The following PITPNA variants were observed in gnomAD, a reference collection of about 807,000 sequenced individuals.
PITPNA encodes the protein phosphatidylinositol transfer protein alpha isoform.
PITPNA carries 13 observed loss-of-function variants against 50.3 expected under a neutral mutation model. The ratio of observed to expected loss-of-function variants is 0.26; its 90% CI spans 0.17 to 0.41. The LOEUF (loss-of-function observed/expected upper bound fraction) is 0.41, where lower values mean the gene tolerates loss of function less well. Ranked by LOEUF, PITPNA falls within the 10% of genes least tolerant of loss-of-function variation. The pLI, the probability that PITPNA is intolerant of heterozygous loss-of-function variation, is 1.00. For synonymous variants in PITPNA, 120 were observed against 119.6 expected, an observed-to-expected ratio of 1.00 and a Z score of -0.02; for missense variants, 207 against 333.4, an observed-to-expected ratio of 0.62 and a Z score of 2.95.
chr17:1,525,412 C>A (rs2075541537), intron 10 of PITPNA, among the ~76,000 whole-genome samples: 3 of 152,096 alleles, frequency 2.0e-5, no homozygotes, highest in Admixed American at 1.3e-4. Context: ...TAAGCCATAG[C>A]CCACTTCAGA....
intron 10 of PITPNA, among the ~76,000 whole-genome samples, chr17:1,532,223 G>A (rs575944850): frequency 6.6e-6 from 1 of 152,258 alleles, no homozygotes; most frequent in South Asian, 2.1e-4. Flanking sequence ...GAGCAGCTGG[G>A]ATTACAGGTG....
intron 7 of PITPNA, 36 bp from the exon 8 acceptor site, chr17:1,535,554 T>TGGGAGAGGGAGTGAGAGATG (rs758931239): frequency 1.5e-6 from 2 of 1,340,634 alleles, no homozygotes; most frequent in South Asian, 2.3e-5. Flanking sequence ...TGGAGGGGAG[T>TGGGAGAGGGAGTGAGAGATG]GGGAGAGGGA....
At chr17:1,538,801 G>T in intron 7 of PITPNA, 68 bp downstream of exon 7, 1 of 927,482 alleles carries the variant, frequency 1.1e-6, no homozygotes, top group Non-Finnish European at 1.7e-6. Flanking sequence ...ATGGTTTCCT[G>T]GTTTCTTTAG....
At chr17:1,534,296 C>A in intron 9 of PITPNA, 75 bp from the exon 10 acceptor site, 1 of 1,576,760 alleles carries the variant, frequency 6.3e-7, no homozygotes, top group African/African-American at 1.3e-5. Context: ...CCATGCACTC[C>A]ACACGAATAC....
At chr17:1,520,786 C>T (rs543285907) in intron 11 of PITPNA, among the ~76,000 whole-genome samples, 7 of 152,242 alleles carry the variant, frequency 4.6e-5, no homozygotes, top group African/African-American at 1.2e-4. Context: ...CAGGGCCTGC[C>T]GTCACTCCTG....
At position 1,521,611 on chromosome 17, in the gene PITPNA, G is replaced by A. The variant is rs2075513224; in HGVS notation, c.803C>T (p.Ala268Val). 1.2e-6 allele frequency: 2 copies of A among 1,613,282 alleles called. No homozygotes were observed. Among genetic ancestry groups the A allele is most frequent in the Middle Eastern group, 1.6e-4 (1 of 6,084 alleles). ...RQKDPVKGMT[A>V]DD is the part of the protein sequence containing the mutation. Reference sequence around the variant, plus strand: ...AGGGGAAAGGCGGCTTTAGTCATCTGCTGTCATTCCTTTCACTGGGTCCTT... The same window carrying A: ...AGGGGAAAGGCGGCTTTAGTCATCTACTGTCATTCCTTTCACTGGGTCCTT... Residue 268 changes from alanine (A) to valine (V), a missense_variant, in exon 11 of 12, where the codon GCA becomes GTA. Coordinates refer to ENST00000313486, the MANE Select transcript of PITPNA (RefSeq NM_006224.4).
At position 1,535,186 on chromosome 17, in the gene PITPNA, T is replaced by C; in HGVS notation, c.641A>G (p.His214Arg). ...GLQNKVENFI[H>R]KQERRLFTNF... is the part of the protein sequence containing the mutation. ...GGCCTCAGCCGAGCTACTTACCTTA[T>C]GGATGAAGTTCTCCACTTTGTTCTG... Residue 214 changes from histidine to arginine, a missense_variant, in exon 9 of 12, where the codon CAT becomes CGT. Transcript: ENST00000313486. 6.2e-7 allele frequency: 1 copy of C among 1,604,552 alleles called. No individual in the cohort carries two copies. The highest frequency in any genetic ancestry group is 8.5e-7 in the Non-Finnish European group (1 of 1,171,296).
intron 4 of PITPNA, among the ~76,000 whole-genome samples, chr17:1,547,558 G>A (rs1241072310): frequency 1.3e-5 from 2 of 151,938 alleles, no homozygotes; most frequent in African/African-American, 2.4e-5. Context: ...GCTGGGGCAC[G>A]AGAATCGCTT....
intron 10 of PITPNA, among the ~76,000 whole-genome samples, chr17:1,531,377 A>G (rs1035406638): frequency 2.6e-5 from 4 of 151,934 alleles, no homozygotes; most frequent in African/African-American, 9.7e-5. Context: ...GGTTCCCCCC[A>G]CTGTAACTAC....
chr17:1,529,395 G>A (rs535764332), intron 10 of PITPNA, among the ~76,000 whole-genome samples: 309 of 147,806 alleles, frequency 2.1e-3, no homozygotes, highest in African/African-American at 7.2e-3. Flanking sequence ...AGTGGCGGGC[G>A]CCTCTAGTCC....
At chr17:1,525,945 T>G (rs1399853355) in intron 10 of PITPNA, among the ~76,000 whole-genome samples, 1 of 152,240 alleles carries the variant, frequency 6.6e-6, no homozygotes, top group African/African-American at 2.4e-5. Context: ...CTCTATCCTA[T>G]GAGAAGGTCT....
intron 10 of PITPNA, among the ~76,000 whole-genome samples, chr17:1,527,176 T>C (rs1440446173): frequency 2.0e-5 from 3 of 152,248 alleles, no homozygotes; most frequent in African/African-American, 7.2e-5. Context: ...ATGTAGGCTA[T>C]ACATACACAT....
chr17:1,520,820 C>T (rs748801432), intron 11 of PITPNA, among the ~76,000 whole-genome samples: 2 of 152,130 alleles, frequency 1.3e-5, no homozygotes, highest in Admixed American at 6.5e-5. Flanking sequence ...CCTCCTTGCC[C>T]GTAGGGTTAG....
Position 1,562,712 on chromosome 17 carries a change from G to T in PITPNA, c.-152C>A. 3.1e-6 allele frequency: 1 copy of T among 320,840 alleles called. No homozygotes were observed. Among genetic ancestry groups the T allele is most frequent in the Non-Finnish European group, 4.6e-6 (1 of 218,318 alleles). The allele number at this position is 320,840 out of a possible 1,614,324, so 19.9% of individuals were successfully genotyped here. ...CCGCCGCCCTCGCCGCGGTCGCCGC[G>T]CCGGCTCCTGCCGCCCGGGCCTCGT... On this transcript the variant is annotated 5_prime_UTR_variant, in exon 1 of 12. Coordinates refer to ENST00000313486, the MANE Select transcript of PITPNA (RefSeq NM_006224.4). This position sits in a 1 kb window ranked among gnomAD's most constrained non-coding sequence, Gnocchi z 6.4.
intron 4 of PITPNA, among the ~76,000 whole-genome samples, chr17:1,547,681 T>C (rs1324756305): frequency 1.3e-5 from 2 of 150,096 alleles, no homozygotes; most frequent in African/African-American, 4.9e-5. Context: ...TAAATAGTAA[T>C]GATCTAAAAT....
chr17:1,526,487 A>G (rs1006152327), intron 10 of PITPNA, among the ~76,000 whole-genome samples: 1 of 152,214 alleles, frequency 6.6e-6, no homozygotes, highest in Non-Finnish European at 1.5e-5. Flanking sequence ...ACTCTTTCAT[A>G]ATAGAATTTT....
Position 1,557,568 on chromosome 17 carries a change from G to C in PITPNA, c.51+961C>G, listed in dbSNP as rs142121504. Among the ~76,000 whole-genome samples, 695 of 152,300 alleles carry C rather than the reference G, an allele frequency of 4.6e-3. 11 individuals carry two copies. The highest frequency in any genetic ancestry group is 0.016 in the African/African-American group (669 of 41,554). ...GCTGCGCCAGGAGAGGAGAGTGGAAGAAGTTCAGAGAAAGAGTGAGACAAG... is the reference window on the plus strand; with the variant it reads ...GCTGCGCCAGGAGAGGAGAGTGGAACAAGTTCAGAGAAAGAGTGAGACAAG... On this transcript the variant is annotated intron_variant, in intron 2 of 11. Coordinates refer to ENST00000313486, the MANE Select transcript of PITPNA (RefSeq NM_006224.4).
At chr17:1,543,654 C>T (rs1467577103) in intron 4 of PITPNA, among the ~76,000 whole-genome samples, 1 of 152,208 alleles carries the variant, frequency 6.6e-6, no homozygotes, top group Non-Finnish European at 1.5e-5. Flanking sequence ...TCCACTTCTG[C>T]TGGCTGCCCC....
rs2097875272 is a variant in PITPNA at position 1,519,782 on chromosome 17, T to G, written c.*779A>C. On this transcript the variant is annotated 3_prime_UTR_variant, in exon 12 of 12. Coordinates refer to ENST00000313486, the MANE Select transcript of PITPNA (RefSeq NM_006224.4). ...CAATTCTAGGGGCCACACTGGACAA[T>G]TCCCTCCAAGTGGAGAGTTGACTGG... is the stretch of plus-strand genomic sequence containing the variant. 6.6e-6 allele frequency: 1 copy of G among 152,292 alleles called. No individual in the cohort carries two copies. Among genetic ancestry groups the G allele is most frequent in the Admixed American group, 6.5e-5 (1 of 15,274 alleles). The allele number at this position is 152,292 out of a possible 1,614,324, so 9.4% of individuals were successfully genotyped here.
Sources: gnomAD v4.1 joint callset for allele counts (sites outside exome capture counted in the v4.1 genomes callset) on GRCh38, gnomAD v4.1.1 for gene constraint, Gnocchi (gnomAD v3.1) non-coding constraint, MANE v1.5 for transcripts, NCBI Gene and HGNC (gene_info 2026-07-23, HGNC 2026-07-21) for gene names.